Variants in GPN1 observed in about 807,000 individuals in gnomAD.
The protein encoded by GPN1 is GPN-loop GTPase 1.
GPN1 carries 44 observed loss-of-function variants against 55.9 expected under a neutral mutation model. The observed-to-expected ratio is 0.79, with a 90% CI of 0.62 to 1.01. The LOEUF is 1.01. Among genes scored for constraint, GPN1 ranks in the 50% least tolerant of loss-of-function variants. The probability of loss-of-function intolerance (pLI) is 0.00; values close to 1 mark genes in which losing one functional copy is unlikely to be tolerated. For missense variants in GPN1, 466 were observed against 462.8 expected (o/e 1.01, Z -0.06); for synonymous variants, 179 against 162.5 (o/e 1.10, Z -0.77).
At position 27,640,086 on chromosome 2, in the gene GPN1, T is replaced by G. The variant is rs774410843; in HGVS notation, c.761T>G (p.Leu254Arg). 1 of 1,613,432 alleles carries G rather than the reference T, an allele frequency of 6.2e-7. No homozygotes were observed. The highest frequency in any genetic ancestry group is 8.5e-7 in the Non-Finnish European group (1 of 1,179,342). Residue 254 changes from leucine to arginine, a missense_variant, in exon 10 of 14, where the codon CTC (leucine) becomes CGC (arginine). Transcript: ENST00000610189. Reference protein sequence around the residue: ...SAVLGTGLDELFVQVTSAAEE... With the variant: ...SAVLGTGLDERFVQVTSAAEE... ...GTTCTGGGTACTGGATTAGATGAAC[T>G]CTTTGTGCAAGTTACCAGTGCTGCC...
intron 7 of GPN1, 42 bp downstream of exon 7, chr2:27,635,276 A>G: frequency 1.2e-6 from 1 of 860,598 alleles, no homozygotes; most frequent in Non-Finnish European, 1.9e-6. Context: ...TCAAGGTATA[A>G]GGCCTTTTTC....
At chr2:27,634,214 G>A (rs1673649623) in intron 5 of GPN1, among the ~76,000 whole-genome samples, 1 of 152,012 alleles carries the variant, frequency 6.6e-6, no homozygotes, top group African/African-American at 2.4e-5. Flanking sequence ...TTAGAGAAAT[G>A]TCTATTAGAA....
At chr2:27,644,238 A>C (rs1441200832) in intron 12 of GPN1, among the ~76,000 whole-genome samples, 1 of 152,170 alleles carries the variant, frequency 6.6e-6, no homozygotes, top group Non-Finnish European at 1.5e-5. Flanking sequence ...GTTTGTAATA[A>C]GAATTTTGTG....
rs762549282 is a variant in GPN1, at chr2:27,635,223, C to T, written c.513C>T (p.Leu171=). 1.3e-5 allele frequency: 20 copies of T among 1,543,602 alleles called. 1 individual carries two copies. The highest frequency in any genetic ancestry group is 1.2e-4 in the Admixed American group (7 of 59,374). ...TNPVTFMSNM[L]YACSILYKTK... ...CAGTGACCTTCATGTCCAACATGCT[C>T]TATGCCTGCAGGTAATTGATTGTTG... is the stretch of plus-strand genomic sequence containing the variant. Residue 171 remains leucine, a synonymous_variant, in exon 7 of 14, where the codon CTC becomes CTT. Coordinates refer to ENST00000610189, the MANE Select transcript of GPN1 (RefSeq NM_007266.4).
chr2:27,630,323 C>A (rs1016452796), intron 2 of GPN1, among the ~76,000 whole-genome samples: 2 of 149,526 alleles, frequency 1.3e-5, no homozygotes, highest in African/African-American at 4.9e-5. Flanking sequence ...CTTCTTTTTT[C>A]ATGTTTTCTA....
At position 27,639,925 on chromosome 2, in the gene GPN1, G is replaced by A. The variant is rs962546289; in HGVS notation, c.718-118G>A. 3 of 761,250 alleles carry A rather than the reference G, an allele frequency of 3.9e-6. No individual in the cohort carries two copies. The African/African-American group carries it at 5.2e-5, about 13-fold the overall frequency. 47.2% of individuals were successfully genotyped at this position (761,250 alleles called of 1,614,324 possible). A position where few individuals can be genotyped will look rare whatever the true frequency, so the allele number is the denominator to read the frequency against. The stretch of plus-strand genomic sequence containing the variant: ...TTTTTTAGCCTGGCTTTTTGCCAAA[G>A]ACTTCTCAAAATATAAACCACTCTT... On this transcript the variant is annotated intron_variant, in intron 9 of 13. Transcript: ENST00000610189.
rs1422240651 is a variant in GPN1, at chr2:27,643,189, TA to T, written c.931+678del. On this transcript the variant is annotated intron_variant, in intron 12 of 13. Coordinates refer to ENST00000610189, the MANE Select transcript of GPN1 (RefSeq NM_007266.4). The surrounding 1 kb of genome is among the most constrained non-coding windows in gnomAD (Gnocchi z 4.0). Reference sequence around the variant, plus strand: ...AACCCTCCTCAATTTTTTTTATAATTAAAAAAAATTTTTTTTTTTTTACAGT... The same window carrying T: ...AACCCTCCTCAATTTTTTTTATAATTAAAAAAATTTTTTTTTTTTTACAGT... Among the ~76,000 whole-genome samples, 1 of 150,516 alleles carries T rather than the reference TA, an allele frequency of 6.6e-6. No homozygotes were observed. The highest frequency in any genetic ancestry group is 2.4e-5 in the African/African-American group (1 of 41,098).
chr2:27,645,641 T>C (rs1674192254), intron 12 of GPN1, among the ~76,000 whole-genome samples: 1 of 152,162 alleles, frequency 6.6e-6, no homozygotes, highest in South Asian at 2.1e-4. Context: ...TCTTATTTCT[T>C]TTTAAAATGT....
In GPN1 at chr2:27,629,088, C is replaced by T. The variant is rs1673419018; in HGVS notation, c.30C>T (p.Leu10=). 3.1e-6 allele frequency: 5 copies of T among 1,614,084 alleles called. No individual in the cohort carries two copies. The highest frequency in any genetic ancestry group is 1.7e-5 in the Admixed American group (1 of 60,010). ...CGGCGTCCGCAGCTGCCGCTGAGCT[C>T]CAGGCTTCTGGGGGTCCGCGGCACC... MAASAAAAE[L]QASGGPRHPV... The change falls in exon 1 of 14, where the codon CTC becomes CTT. Residue 10 remains leucine, a synonymous_variant. Transcript: ENST00000610189.
Position 27,631,882 on chromosome 2 carries a change from T to C in GPN1, c.294T>C (p.Phe98=), listed in dbSNP as rs370032070. 3.1e-6 allele frequency: 5 copies of C among 1,591,080 alleles called. No homozygotes were observed. In the African/African-American group the frequency reaches 5.4e-5, roughly 17 times the overall value. ...NGGIVTSLNL[F]ATRFDQVMKF... is the part of the protein sequence containing the mutation. ...GCATAGTGACCTCACTCAATCTCTT[T>C]GCTACCAGATTTGATCAGGTATATC... is the stretch of plus-strand genomic sequence containing the variant. The change falls in exon 4 of 14, where the codon TTT becomes TTC. Residue 98 remains phenylalanine (F), a synonymous_variant. Coordinates refer to ENST00000610189, the MANE Select transcript of GPN1 (RefSeq NM_007266.4).
chr2:27,638,524 C>T (rs1420158388), intron 8 of GPN1, among the ~76,000 whole-genome samples: 5 of 152,130 alleles, frequency 3.3e-5, no homozygotes, highest in East Asian at 3.8e-4. Context: ...TGTGTAATTA[C>T]GAGAGGGACA....
upstream of GPN1, chr2:27,628,547 G>A: frequency 1.9e-6 from 3 of 1,551,460 alleles, no homozygotes; most frequent in Non-Finnish European, 2.6e-6. Context: ...TTATTCGTTC[G>A]GTGCTCAAAG....
chr2:27,631,857 G>A lies in GPN1; in HGVS notation c.269G>A (p.Gly90Asp). ...MKQYGLGPNG[G>D]IVTSLNLFAT... is the part of the protein sequence containing the mutation. Reference sequence around the variant, plus strand: ...AGATATGGACTTGGACCCAATGGCGGCATAGTGACCTCACTCAATCTCTTT... The same window carrying A: ...AGATATGGACTTGGACCCAATGGCGACATAGTGACCTCACTCAATCTCTTT... The change falls in exon 4 of 14, where the codon GGC (glycine) becomes GAC (aspartate). Residue 90 changes from glycine to aspartate, a missense_variant. Coordinates refer to ENST00000610189, the MANE Select transcript of GPN1 (RefSeq NM_007266.4). 6.2e-7 allele frequency: 1 copy of A among 1,602,168 alleles called. No homozygotes were observed. Among genetic ancestry groups the A allele is most frequent in the African/African-American group, 1.3e-5 (1 of 74,822 alleles).
intron 12 of GPN1, among the ~76,000 whole-genome samples, chr2:27,644,808 C>T (rs1042940565): frequency 1.1e-4 from 17 of 148,054 alleles, no homozygotes; most frequent in Non-Finnish European, 2.5e-4. Context: ...CTCAGCCTGC[C>T]AACTAGTTTG....
At chr2:27,645,706 A>G (rs192221168) in intron 12 of GPN1, among the ~76,000 whole-genome samples, 17 of 146,350 alleles carry the variant, frequency 1.2e-4, no homozygotes, top group African/African-American at 4.2e-4. Context: ...TTTCTTTTTA[A>G]TTTTTTTTTT....
intron 7 of GPN1, among the ~76,000 whole-genome samples, chr2:27,636,828 AATC>A (rs1673752876): frequency 1.3e-5 from 2 of 152,192 alleles, no homozygotes; most frequent in Admixed American, 1.3e-4. Context: ...TGATAGTGTT[AATC>A]ATTTCTTTTT....
intron 4 of GPN1, among the ~76,000 whole-genome samples, chr2:27,632,289 A>G (rs1327325689): frequency 1.3e-5 from 2 of 152,218 alleles, no homozygotes; most frequent in Admixed American, 6.5e-5. Flanking sequence ...ACCTACTTCC[A>G]TAAGAGTGTT....
chr2:27,631,343 T>G (rs1427283822), intron 3 of GPN1: 1 of 492,042 alleles, frequency 2.0e-6, no homozygotes, highest in Non-Finnish European at 3.6e-6. Context: ...GTATTTTGCC[T>G]TGGAGGATCA....
intron 7 of GPN1, among the ~76,000 whole-genome samples, chr2:27,637,684 A>G (rs2178197): frequency 0.54 from 81,799 of 152,030 alleles, 22,830 homozygotes; most frequent in African/African-American, 0.61. Context: ...TGCCTAGACT[A>G]TACAGATTGA....
Sources: allele counts gnomAD v4.1 joint callset (sites outside exome capture counted in the v4.1 genomes callset), GRCh38; gene constraint gnomAD v4.1.1; non-coding constraint Gnocchi (gnomAD v3.1); transcripts MANE v1.5; gene names NCBI Gene and HGNC (gene_info 2026-07-23, HGNC 2026-07-21).